HYDIN: variants seen among roughly 807,000 people sequenced by gnomAD.
HYDIN encodes axonemal central pair apparatus protein HYDIN.
HYDIN carries 132 observed loss-of-function variants against 403.9 expected under a neutral mutation model. The observed-to-expected ratio is 0.33, with a 90% CI of 0.28 to 0.38. HYDIN has a LOEUF of 0.38. Ranked by LOEUF, HYDIN falls within the 10% of genes least tolerant of loss-of-function variation. The probability of loss-of-function intolerance (pLI) is 1.00; values close to 1 mark genes in which losing one functional copy is unlikely to be tolerated. For synonymous variants in HYDIN, 1,202 were observed against 1,891.7 expected (o/e 0.64, Z 9.46); for missense variants, 2,827 against 5,009.5 (o/e 0.56, Z 13.15).
At chr16:71,032,105 GAA>G (rs2080934548) in intron 18 of HYDIN, among the ~76,000 whole-genome samples, 188 bp from the exon 19 acceptor site, 1 of 151,518 alleles carries the variant, frequency 6.6e-6, no homozygotes, top group Non-Finnish European at 1.5e-5. Context: ...ATCTGATTCT[GAA>G]GAGCAAACCT....
intron 5 of HYDIN, among the ~76,000 whole-genome samples, chr16:71,170,190 C>CG (rs1345281406): frequency 6.6e-6 from 1 of 152,158 alleles, no homozygotes; most frequent in African/African-American, 2.4e-5. Context: ...CCTGAATGGA[C>CG]TATACCTCAG....
intron 41 of HYDIN, among the ~76,000 whole-genome samples, chr16:70,948,631 T>G (rs1318485446): frequency 2.0e-5 from 3 of 151,154 alleles, no homozygotes; most frequent in Admixed American, 6.6e-5. Flanking sequence ...AACAACCCCA[T>G]CAAAAAGTGG....
intron 40 of HYDIN, among the ~76,000 whole-genome samples, chr16:70,954,773 A>C (rs947121871): frequency 6.6e-6 from 1 of 152,206 alleles, no homozygotes; most frequent in Non-Finnish European, 1.5e-5. Context: ...TCATTTTTCC[A>C]TAGTGTGAAA....
rs1171455768 is a variant in HYDIN, at chr16:71,079,828, C to T, written c.1738+57G>A. On this transcript the variant is annotated intron_variant, in intron 13 of 85. Coordinates refer to ENST00000393567, the MANE Select transcript of HYDIN (RefSeq NM_001270974.2). ...GGGTTCTTTGTAAACCTTCCTCCTT[C>T]CACGTAGAGAAAAGGAATCCTATTC... 33 of 751,386 alleles carry T rather than the reference C, an allele frequency of 4.4e-5. 1 individual carries two copies. Among genetic ancestry groups the T allele is most frequent in the East Asian group, 3.5e-4 (13 of 37,464 alleles). The allele number at this position is 751,386 out of a possible 1,614,324, so 46.5% of individuals were successfully genotyped here. A position where few individuals can be genotyped will look rare whatever the true frequency, so the allele number is the denominator to read the frequency against.
intron 61 of HYDIN, 30 bp from the exon 62 acceptor site, chr16:70,879,516 C>T: frequency 6.2e-7 from 1 of 1,610,514 alleles, no homozygotes; most frequent in South Asian, 1.1e-5. Flanking sequence ...TGTAGCCTGT[C>T]AGCCTGGCAT....
intron 84 of HYDIN, among the ~76,000 whole-genome samples, chr16:70,810,308 G>C (rs916472480): frequency 7.9e-5 from 12 of 152,186 alleles, no homozygotes; most frequent in African/African-American, 2.9e-4. Context: ...CTGCCAGTAG[G>C]AGGGCTGAAG....
chr16:71,193,781 A>AC (rs1373856366), intron 1 of HYDIN, among the ~76,000 whole-genome samples: 2 of 151,736 alleles, frequency 1.3e-5, no homozygotes, highest in African/African-American at 4.8e-5. Context: ...TCATACCCTC[A>AC]CCCCCATCTC....
chr16:70,996,246 A>G (rs1267639953), intron 23 of HYDIN, among the ~76,000 whole-genome samples: 4 of 152,200 alleles, frequency 2.6e-5, no homozygotes, highest in South Asian at 2.1e-4. Flanking sequence ...CCCTCCCTCA[A>G]TAAGTCACCT....
chr16:70,932,751 T>A (rs1272640160), intron 45 of HYDIN, among the ~76,000 whole-genome samples: 1 of 152,288 alleles, frequency 6.6e-6, no homozygotes, highest in Non-Finnish European at 1.5e-5. Flanking sequence ...GTTCACCTCA[T>A]TAACAATTCA....
intron 56 of HYDIN, 54 bp downstream of exon 56, chr16:70,892,307 A>C (rs1189221297): frequency 3.2e-6 from 5 of 1,561,308 alleles, no homozygotes; most frequent in Admixed American, 1.9e-5. Context: ...TCTTTGCAAC[A>C]GGAGTCGTAC....
Position 70,874,924 on chromosome 16 carries a change from C to A in HYDIN, c.10558-5G>T. On this transcript the variant is annotated splice_polypyrimidine_tract_variant and splice_region_variant and intron_variant, in intron 62 of 85. Coordinates refer to ENST00000393567, the MANE Select transcript of HYDIN (RefSeq NM_001270974.2). ...ATCCTGCAGGTCAACATGCAGCTGG[C>A]AGAAGGAAAGCAGGGATGAGTGCTA... The A allele has an allele frequency of 1.9e-6, 3 of 1,590,214 alleles. No homozygotes were observed. The South Asian group carries it at 3.4e-5, about 18-fold the overall frequency.
intron 7 of HYDIN, among the ~76,000 whole-genome samples, chr16:71,149,497 T>G (rs1177247729): frequency 6.6e-6 from 1 of 151,910 alleles, no homozygotes; most frequent in Admixed American, 6.6e-5. Context: ...ACACACGATG[T>G]GTACAAGAAT....
chr16:71,214,624 T>C (rs533834143), intron 1 of HYDIN, among the ~76,000 whole-genome samples: 3 of 152,314 alleles, frequency 2.0e-5, no homozygotes, highest in South Asian at 2.1e-4. Context: ...CTCACACATA[T>C]GCAGCCTGGA....
intron 52 of HYDIN, among the ~76,000 whole-genome samples, chr16:70,902,288 G>T (rs1259358689): frequency 7.9e-6 from 1 of 126,302 alleles, no homozygotes; most frequent in Non-Finnish European, 1.7e-5. Context: ...AGGTGGAGTT[G>T]ATATTATTAA....
In HYDIN at chr16:71,163,077, A is replaced by AACCCTAGT. The variant is rs1202984715; in HGVS notation, c.517-355_517-348dup. ...ACAGTTCCCTCAGGTCCTCCTTCCA[A>AACCCTAGT]ACCCTAGTTCTCCTTCAAGCCCATG... is the stretch of plus-strand genomic sequence containing the variant. On this transcript the variant is annotated intron_variant, in intron 5 of 85. Transcript: ENST00000393567. Among the ~76,000 whole-genome samples the AACCCTAGT allele has an allele frequency of 2.0e-5, 3 of 151,770 alleles. No homozygotes were observed. In the East Asian group the frequency reaches 5.8e-4, roughly 29 times the overall value.
chr16:70,805,674 T>G lies in HYDIN; in HGVS notation c.*1906A>C, dbSNP rs2035076724. On this transcript the variant is annotated 3_prime_UTR_variant, in exon 86 of 86. Coordinates refer to ENST00000393567, the MANE Select transcript of HYDIN (RefSeq NM_001270974.2). ...CTCTTGCTCATTGATCTTAGCATCC[T>G]CTCAGATTATTGGTCAGAGCGATCT... Among the ~76,000 whole-genome samples, 1 of 152,236 alleles carries G rather than the reference T, an allele frequency of 6.6e-6. No homozygotes were observed. Among genetic ancestry groups the G allele is most frequent in the East Asian group, 1.9e-4 (1 of 5,204 alleles).
intron 7 of HYDIN, among the ~76,000 whole-genome samples, chr16:71,139,290 T>C (rs2085074090): frequency 6.6e-6 from 1 of 152,038 alleles, no homozygotes; most frequent in African/African-American, 2.4e-5. Flanking sequence ...GGGGGAAAGG[T>C]ACTTGCATCC....
chr16:71,117,525 T>C (rs1205105454), intron 9 of HYDIN, among the ~76,000 whole-genome samples: 2 of 152,208 alleles, frequency 1.3e-5, no homozygotes, highest in Non-Finnish European at 1.5e-5. Context: ...AGGACTAAGA[T>C]GAAAGTATTG....
chr16:71,061,774 T>G (rs376122372), intron 17 of HYDIN, among the ~76,000 whole-genome samples: 1 of 151,252 alleles, frequency 6.6e-6, no homozygotes, highest in Non-Finnish European at 1.5e-5. Context: ...AAAATACAGA[T>G]GTGCTGGCTC....
Sources: gnomAD v4.1 joint callset for allele counts (sites outside exome capture counted in the v4.1 genomes callset) on GRCh38, gnomAD v4.1.1 for gene constraint, MANE v1.5 for transcripts, NCBI Gene and HGNC (gene_info 2026-07-23, HGNC 2026-07-21) for gene names.